CNOT1: variants seen among roughly 807,000 people sequenced by gnomAD.
CNOT1 encodes CCR4-NOT transcription complex subunit 1, also known as CCR4-associated factor 1.
Under a neutral mutation model 273.8 loss-of-function variants are expected in CNOT1, and 15 were observed. The observed-to-expected ratio is 0.05, with a 90% CI of 0.04 to 0.08. The LOEUF (loss-of-function observed/expected upper bound fraction) is 0.08, where lower values mean the gene tolerates loss of function less well. Ranked by LOEUF, CNOT1 falls within the 10% of genes least tolerant of loss-of-function variation. The pLI is 1.00. For synonymous variants in CNOT1, 1,022 were observed against 1,005.5 expected (o/e 1.02, Z -0.31); for missense variants, 1,644 against 2,912.2 (o/e 0.56, Z 10.02).
chr16:58,556,353 T>C (rs568541960), intron 19 of CNOT1, among the ~76,000 whole-genome samples: 1 of 152,368 alleles, frequency 6.6e-6, no homozygotes, highest in South Asian at 2.1e-4. Context: ...TCAAGTCAGC[T>C]GGAATACTTT....
At chr16:58,585,540 A>G in intron 7 of CNOT1, 34 bp from the exon 8 acceptor site, 1 of 1,587,104 alleles carries the variant, frequency 6.3e-7, no homozygotes, top group South Asian at 1.1e-5. Context: ...CTGCTATACT[A>G]ATTAAAAACA....
chr16:58,574,552 A>C, intron 16 of CNOT1, 57 bp downstream of exon 16: 2 of 1,485,898 alleles, frequency 1.3e-6, no homozygotes, highest in Non-Finnish European at 1.8e-6. Context: ...CCGCAAGTCT[A>C]CAATTATTCA....
intron 1 of CNOT1, among the ~76,000 whole-genome samples, chr16:58,621,586 G>C (rs1428158973): frequency 6.7e-6 from 1 of 149,982 alleles, no homozygotes; most frequent in African/African-American, 2.4e-5. Context: ...ATTCTTGTTA[G>C]CAAAACCAGG....
At chr16:58,594,914 A>G (rs2151999062) in intron 2 of CNOT1, among the ~76,000 whole-genome samples, 1 of 152,182 alleles carries the variant, frequency 6.6e-6, no homozygotes, top group East Asian at 1.9e-4. Flanking sequence ...AAGGAGTTCA[A>G]GACCGGCCTG....
At chr16:58,543,450 C>T in intron 31 of CNOT1, 157 bp downstream of exon 31, 1 of 1,490,170 alleles carries the variant, frequency 6.7e-7, no homozygotes. Flanking sequence ...CTTTGCCTCA[C>T]AGAATTACAA....
At chr16:58,580,439 C>T (rs972001944) in intron 12 of CNOT1, among the ~76,000 whole-genome samples, 194 bp downstream of exon 12, 1 of 152,062 alleles carries the variant, frequency 6.6e-6, no homozygotes, top group Non-Finnish European at 1.5e-5. Flanking sequence ...ACAGACCTTA[C>T]AAGATATAAC....
chr16:58,528,412 C>T (rs2039672572), intron 44 of CNOT1, 63 bp downstream of exon 44: 2 of 1,182,448 alleles, frequency 1.7e-6, no homozygotes, highest in Non-Finnish European at 1.3e-6. Context: ...GAACAGTCTA[C>T]TTATCAGAGA....
At chr16:58,621,667 C>G (rs2043321941) in intron 1 of CNOT1, among the ~76,000 whole-genome samples, 1 of 150,622 alleles carries the variant, frequency 6.6e-6, no homozygotes, top group African/African-American at 2.4e-5. Context: ...ACCTGTAATC[C>G]CAGCACTTTG....
chr16:58,524,248 G>GC (rs1320260853), intron 46 of CNOT1, among the ~76,000 whole-genome samples: 1 of 37,840 alleles, frequency 2.6e-5, no homozygotes, highest in East Asian at 2.1e-3. Flanking sequence ...AGACTCTATC[G>GC]CAAAAAAAAA....
chr16:58,553,577 A>G (rs2040527073), intron 22 of CNOT1, among the ~76,000 whole-genome samples: 1 of 152,202 alleles, frequency 6.6e-6, no homozygotes, highest in South Asian at 2.1e-4. Context: ...TACTTAGAAA[A>G]GATAATCCAA....
At chr16:58,571,694 G>A (rs933914324) in intron 16 of CNOT1, among the ~76,000 whole-genome samples, 14 of 151,748 alleles carry the variant, frequency 9.2e-5, no homozygotes, top group African/African-American at 3.4e-4. Flanking sequence ...AAAATAATAG[G>A]AGGCCGGGCA....
In CNOT1 at chr16:58,521,311, G is replaced by A. The variant is rs745628212; in HGVS notation, c.6924C>T (p.Leu2308=). ...GCCTATTTACAATCAACCGTTCCAAGAGAACTCTGGAAAAAGGGAGAAAGA... is the reference window on the plus strand; with the variant it reads ...GCCTATTTACAATCAACCGTTCCAAAAGAACTCTGGAAAAAGGGAGAAAGA... ...EAIQEQITRV[L]LERLIVNRPH... The change falls in exon 48 of 49, where the codon CTC becomes CTT. Residue 2308 remains leucine (L), a synonymous_variant. Transcript: ENST00000317147. The A allele has an allele frequency of 6.2e-6, 10 of 1,603,032 alleles. No homozygotes were observed. The Admixed American group carries it at 1.1e-4, about 17-fold the overall frequency.
intron 1 of CNOT1, among the ~76,000 whole-genome samples, chr16:58,604,449 T>C (rs972994874): frequency 7.2e-5 from 11 of 152,056 alleles, no homozygotes; most frequent in African/African-American, 2.7e-4. Context: ...TCAGATAGTT[T>C]TAATGATTAA....
At chr16:58,580,865 A>G (rs1338740904) in intron 11 of CNOT1, 105 bp from the exon 12 acceptor site, 1 of 1,101,310 alleles carries the variant, frequency 9.1e-7, no homozygotes, top group Non-Finnish European at 1.3e-6. Flanking sequence ...TTAGCATGGC[A>G]ATTTCCCGTT....
At chr16:58,626,668 G>A (rs2043598240) in intron 1 of CNOT1, among the ~76,000 whole-genome samples, 1 of 150,652 alleles carries the variant, frequency 6.6e-6, no homozygotes, top group African/African-American at 2.4e-5. Flanking sequence ...GCTGGGGCAG[G>A]AGAATCGCTT....
At chr16:58,530,065 A>G (rs1458926566) in intron 43 of CNOT1, among the ~76,000 whole-genome samples, 181 bp downstream of exon 43, 1 of 152,208 alleles carries the variant, frequency 6.6e-6, no homozygotes, top group Non-Finnish European at 1.5e-5. Context: ...CTACAGTTGA[A>G]CATATACAAA....
intron 18 of CNOT1, among the ~76,000 whole-genome samples, chr16:58,557,403 G>A (rs1026782499): frequency 2.0e-5 from 3 of 152,052 alleles, no homozygotes; most frequent in Non-Finnish European, 4.4e-5. Flanking sequence ...TCTCAACTCC[G>A]ACAAAAGGAA....
At chr16:58,591,755 GAA>G (rs34192497) in intron 2 of CNOT1, among the ~76,000 whole-genome samples, 1 of 137,040 alleles carries the variant, frequency 7.3e-6, no homozygotes, top group Non-Finnish European at 1.6e-5. Flanking sequence ...ACTCCGTCTC[GAA>G]AAAAAAAAAA....
In CNOT1 at chr16:58,537,078, C is replaced by G; in HGVS notation, c.5557G>C (p.Glu1853Gln). 7 of 1,614,218 alleles carry G rather than the reference C, an allele frequency of 4.3e-6. No individual in the cohort carries two copies. Among genetic ancestry groups the G allele is most frequent in the Non-Finnish European group, 5.9e-6 (7 of 1,180,032 alleles). ...DDPPGLREKA[E>Q]YLLREWVNLY... ...TTCACCCATTCCCTCAGAAGATACT[C>G]TGCCTTCTCCCTCAGGCCTGGAGGG... The change falls in exon 39 of 49, where the codon GAG becomes CAG. Residue 1853 changes from glutamate (E) to glutamine (Q), a missense_variant. This residue lies in a region of CNOT1 where 133 missense variants were observed against 328.2 expected (regional missense o/e 0.41). Coordinates refer to ENST00000317147, the MANE Select transcript of CNOT1 (RefSeq NM_016284.5).
Sources: gnomAD v4.1 joint callset for allele counts (sites outside exome capture counted in the v4.1 genomes callset) on GRCh38, gnomAD v4.1.1 for gene constraint, gnomAD v4.1.1 regional missense constraint, MANE v1.5 for transcripts, NCBI Gene and HGNC (gene_info 2026-07-23, HGNC 2026-07-21) for gene names.